Variants in PRAG1 observed in about 807,000 individuals in gnomAD.
The protein encoded by PRAG1 is PEAK1 related, kinase-activating pseudokinase 1, also known as inactive tyrosine-protein kinase PRAG1.
PRAG1 carries 110 observed loss-of-function variants against 95.6 expected under a neutral mutation model. The ratio of observed to expected loss-of-function variants is 1.15; its 90% CI spans 0.99 to 1.35. The LOEUF (loss-of-function observed/expected upper bound fraction) is 1.35. Among genes scored for constraint, PRAG1 ranks in the 40% most tolerant of loss-of-function variants. The probability of loss-of-function intolerance (pLI) is 0.00; values close to 1 mark genes in which losing one functional copy is unlikely to be tolerated. For synonymous variants in PRAG1, 1,052 were observed against 819.4 expected (o/e 1.28, Z -4.85); for missense variants, 2,554 against 1,864.7 (o/e 1.37, Z -6.81).
chr8:8,345,367 C>CAAAAA (rs202100503), intron 3 of PRAG1, among the ~76,000 whole-genome samples: 1 of 78,938 alleles, frequency 1.3e-5, no homozygotes, highest in African/African-American at 4.3e-5. Flanking sequence ...CCTGTCTCTA[C>CAAAAA]AAAAAAAAAA....
At chr8:8,342,080 G>C (rs112180357) in intron 3 of PRAG1, among the ~76,000 whole-genome samples, 252 of 152,132 alleles carry the variant, frequency 1.7e-3, no homozygotes, top group African/African-American at 5.4e-3. Context: ...GCAGTGAGCC[G>C]AGATGGTGCC....
At chr8:8,379,676 A>C (rs1323014537) in intron 2 of PRAG1, among the ~76,000 whole-genome samples, 1 of 152,226 alleles carries the variant, frequency 6.6e-6, no homozygotes, top group Non-Finnish European at 1.5e-5. Context: ...AGAACAGGCA[A>C]AGAGGTCAAA....
intron 3 of PRAG1, among the ~76,000 whole-genome samples, chr8:8,348,405 A>C (rs1435728470): frequency 1.3e-5 from 2 of 152,222 alleles, no homozygotes; most frequent in Non-Finnish European, 2.9e-5. Flanking sequence ...TTTCTTTGAC[A>C]ATCTCAATTT....
chr8:8,334,044 T>C (rs771848152), intron 4 of PRAG1, among the ~76,000 whole-genome samples: 2 of 152,244 alleles, frequency 1.3e-5, no homozygotes, highest in Non-Finnish European at 2.9e-5. Flanking sequence ...AGGGATGCTT[T>C]GGCTTCACAC....
intron 3 of PRAG1, among the ~76,000 whole-genome samples, chr8:8,353,361 C>T (rs1799585704): frequency 6.6e-6 from 1 of 151,812 alleles, no homozygotes; most frequent in African/African-American, 2.4e-5. Context: ...AGTATTGTTT[C>T]CAACCACAAC....
intron 3 of PRAG1, among the ~76,000 whole-genome samples, chr8:8,371,847 A>G (rs1036796052): frequency 6.6e-6 from 1 of 152,212 alleles, no homozygotes; most frequent in African/African-American, 2.4e-5. Flanking sequence ...CCTGGGCGGC[A>G]GAGTGAGATT....
intron 5 of PRAG1, among the ~76,000 whole-genome samples, chr8:8,322,201 G>C (rs1402225188): frequency 6.6e-6 from 1 of 151,626 alleles, no homozygotes; most frequent in Non-Finnish European, 1.5e-5. Flanking sequence ...TTTTGTTTTT[G>C]AGATGGAGTC....
At chr8:8,342,443 G>T (rs868353413) in intron 3 of PRAG1, among the ~76,000 whole-genome samples, 1 of 151,934 alleles carries the variant, frequency 6.6e-6, no homozygotes, top group Non-Finnish European at 1.5e-5. Context: ...TGATCTGCCC[G>T]CCTCGGCCTC....
intron 3 of PRAG1, among the ~76,000 whole-genome samples, chr8:8,367,126 T>C (rs1170568856): frequency 6.6e-6 from 1 of 152,022 alleles, no homozygotes; most frequent in Non-Finnish European, 1.5e-5. Context: ...CTCCAAATGA[T>C]CAGAATTGGC....
chr8:8,380,269 T>A (rs1355753159), intron 2 of PRAG1, among the ~76,000 whole-genome samples: 3 of 149,778 alleles, frequency 2.0e-5, no homozygotes, highest in African/African-American at 4.9e-5. Flanking sequence ...TGAGACTGTC[T>A]CAAAAAAAAA....
chr8:8,326,702 C>G (rs757776441), intron 5 of PRAG1, among the ~76,000 whole-genome samples: 32 of 152,234 alleles, frequency 2.1e-4, no homozygotes, highest in Non-Finnish European at 3.2e-4. Context: ...TTGAGCTAGT[C>G]ACTTAATGTC....
In PRAG1 at chr8:8,318,494, G is replaced by C. The variant is rs1236265062; in HGVS notation, c.3881C>G (p.Ser1294Cys). The C allele has an allele frequency of 6.2e-7, 1 of 1,612,226 alleles. No homozygotes were observed. The highest frequency in any genetic ancestry group is 1.3e-5 in the African/African-American group (1 of 74,932). Residue 1294 changes from serine to cysteine, a missense_variant, in exon 6 of 6, where the codon TCC (serine) becomes TGC (cysteine). Ser to Cys is a moderately radical substitution (Grantham distance 112). Coordinates refer to ENST00000615670, the MANE Select transcript of PRAG1 (RefSeq NM_001080826.3). This position sits in a 1 kb window ranked among gnomAD's most constrained non-coding sequence, Gnocchi z 4.2. ...CTGCTGCAGGCCGGGTGAGTAGAGG[G>C]ACAGCGCGGGCAGCGGCGGCAGGTC... Reference protein sequence around the residue: ...QEDLPPLPALSLYSPGLQQLA... With the variant: ...QEDLPPLPALCLYSPGLQQLA...
intron 3 of PRAG1, among the ~76,000 whole-genome samples, chr8:8,349,094 TA>T (rs1179911184): frequency 1.3e-5 from 2 of 152,188 alleles, no homozygotes; most frequent in African/African-American, 4.8e-5. Context: ...TCATATCTAC[TA>T]GGTTGGTGCA....
chr8:8,327,880 C>A lies in PRAG1; in HGVS notation c.2902G>T (p.Ala968Ser), dbSNP rs1306899496. The A allele has an allele frequency of 1.9e-6, 3 of 1,614,222 alleles. No individual in the cohort carries two copies. Among genetic ancestry groups the A allele is most frequent in the Non-Finnish European group, 2.5e-6 (3 of 1,180,036 alleles). The part of the protein sequence containing the change: ...LYTQSLARLV[A>S]KCEDLFMGGQ... ...CCCATGAAGAGGTCCTCACATTTGG[C>A]TACAAGGCGGGCCAGGGACTGGGTG... is the stretch of plus-strand genomic sequence containing the variant. Residue 968 changes from alanine to serine, a missense_variant, in exon 5 of 6, where the codon GCC becomes TCC. Ala to Ser is a moderately conservative substitution (Grantham distance 99). Transcript: ENST00000615670.
intron 3 of PRAG1, among the ~76,000 whole-genome samples, chr8:8,347,450 T>C (rs1416373072): frequency 6.6e-6 from 1 of 152,244 alleles, no homozygotes; most frequent in African/African-American, 2.4e-5. Context: ...ATTGTCTTAT[T>C]TGGCTCCATG....
chr8:8,354,264 T>C (rs1415299514), intron 3 of PRAG1, among the ~76,000 whole-genome samples: 2 of 151,902 alleles, frequency 1.3e-5, no homozygotes, highest in Non-Finnish European at 2.9e-5. Context: ...AATAAAGAGA[T>C]TGAAGAAGTA....
At chr8:8,365,214 T>C (rs1386748188) in intron 3 of PRAG1, among the ~76,000 whole-genome samples, 1 of 152,228 alleles carries the variant, frequency 6.6e-6, no homozygotes, top group Non-Finnish European at 1.5e-5. Flanking sequence ...TTTGTTTTCA[T>C]CTTCCCAATT....
intron 3 of PRAG1, among the ~76,000 whole-genome samples, chr8:8,346,647 C>T (rs371401125): frequency 2.6e-4 from 39 of 152,158 alleles, no homozygotes; most frequent in Non-Finnish European, 1.9e-4. Context: ...AAAATACCCC[C>T]GAAGCTTTCA....
At chr8:8,385,974 G>C (rs1442131851) in intron 1 of PRAG1, among the ~76,000 whole-genome samples, 3 of 152,090 alleles carry the variant, frequency 2.0e-5, no homozygotes, top group Non-Finnish European at 4.4e-5. Flanking sequence ...TCCTCAAAGC[G>C]CTTCAGCCTC....
Sources: allele counts gnomAD v4.1 joint callset (sites outside exome capture counted in the v4.1 genomes callset), GRCh38; gene constraint gnomAD v4.1.1; non-coding constraint Gnocchi (gnomAD v3.1); transcripts MANE v1.5; gene names NCBI Gene and HGNC (gene_info 2026-07-23, HGNC 2026-07-21).